GLIS3: variants seen among roughly 807,000 people sequenced by gnomAD.
GLIS3 encodes zinc finger protein GLIS3.
A neutral mutation model predicts 78.6 loss-of-function variants in GLIS3; 53 were observed. That is an observed-to-expected ratio of 0.67 (90% CI 0.54 to 0.85). The LOEUF (loss-of-function observed/expected upper bound fraction) is 0.85, where lower values mean the gene tolerates loss of function less well. GLIS3 is among the 40% of genes least tolerant of loss of function. The pLI, the probability that GLIS3 is intolerant of heterozygous loss-of-function variation, is 0.00. For missense variants in GLIS3, 1,703 were observed against 1,231.1 expected (o/e 1.38, Z -5.74); for synonymous variants, 684 against 509.9 (o/e 1.34, Z -4.60).
chr9:4,033,630 G>A (rs1824045927), intron 4 of GLIS3, among the ~76,000 whole-genome samples: 1 of 152,006 alleles, frequency 6.6e-6, no homozygotes, highest in Admixed American at 6.6e-5. Context: ...AGAATCCTAG[G>A]CTCCACCCTG....
intron 2 of GLIS3, among the ~76,000 whole-genome samples, chr9:4,220,165 G>A (rs1020615937): frequency 2.6e-5 from 4 of 152,210 alleles, no homozygotes; most frequent in African/African-American, 9.6e-5. Flanking sequence ...ATGCAATGAA[G>A]TAACAGTAAA....
intron 4 of GLIS3, among the ~76,000 whole-genome samples, chr9:4,023,555 C>T (rs1334091865): frequency 1.3e-5 from 2 of 152,198 alleles, no homozygotes; most frequent in South Asian, 2.1e-4. Flanking sequence ...AAATCCTTTT[C>T]GTGTTAAGAG....
At chr9:4,372,052 G>C in the GLIS3 span, among the ~76,000 whole-genome samples, 2 of 152,108 alleles carry the variant, frequency 1.3e-5, no homozygotes, top group Non-Finnish European at 2.9e-5. Flanking sequence ...TCTCCTGTGG[G>C]ATCCCTGTTA....
chr9:4,068,277 C>T (rs188042874), intron 4 of GLIS3, among the ~76,000 whole-genome samples: 3 of 151,900 alleles, frequency 2.0e-5, no homozygotes, highest in South Asian at 4.2e-4. Context: ...AAAACTTCAG[C>T]GCAAGAAAGT....
chr9:4,401,464 A>C, the GLIS3 span, among the ~76,000 whole-genome samples: 1 of 151,204 alleles, frequency 6.6e-6, no homozygotes, highest in Non-Finnish European at 1.5e-5. Context: ...GGGTTTCTCC[A>C]TGTTGGTCAG....
At chr9:4,390,600 C>T in the GLIS3 span, among the ~76,000 whole-genome samples, 1 of 152,178 alleles carries the variant, frequency 6.6e-6, no homozygotes, top group Non-Finnish European at 1.5e-5. Flanking sequence ...CCCAGTCTCT[C>T]TGGCCTCATA....
chr9:4,429,234 T>C, the GLIS3 span, among the ~76,000 whole-genome samples: 1 of 152,162 alleles, frequency 6.6e-6, no homozygotes, highest in South Asian at 2.1e-4. Context: ...CTTCTGTGGC[T>C]TTCCCGCTAT....
chr9:4,313,018 G>A (rs774154302), intron 2 of GLIS3, among the ~76,000 whole-genome samples: 15 of 152,196 alleles, frequency 9.9e-5, no homozygotes, highest in Non-Finnish European at 2.2e-4. Flanking sequence ...ACTTTTTCCA[G>A]TCTTGTGGCT....
At chr9:4,139,253 T>A (rs1564105595) in intron 2 of GLIS3, among the ~76,000 whole-genome samples, 2 of 152,232 alleles carry the variant, frequency 1.3e-5, no homozygotes, top group Admixed American at 6.5e-5. Context: ...CAAAGCTGCC[T>A]CTGGGTGAGA....
chr9:4,075,986 T>C (rs1159257192), intron 4 of GLIS3, among the ~76,000 whole-genome samples: 1 of 152,128 alleles, frequency 6.6e-6, no homozygotes, highest in Non-Finnish European at 1.5e-5. Context: ...AAGGAACACC[T>C]CACGAAGAAA....
chr9:4,454,844 G>C, the GLIS3 span, among the ~76,000 whole-genome samples: 1 of 151,944 alleles, frequency 6.6e-6, no homozygotes, highest in East Asian at 1.9e-4. Context: ...CCTGAAGTAG[G>C]GGATCTCACA....
intron 2 of GLIS3, among the ~76,000 whole-genome samples, chr9:4,318,645 G>A (rs988270229): frequency 2.0e-5 from 3 of 152,096 alleles, no homozygotes; most frequent in Non-Finnish European, 2.9e-5. Flanking sequence ...ATATAAATAA[G>A]TAAATAATGG....
Position 4,156,872 on chromosome 9 carries a change from G to A in GLIS3, c.389-30931C>T, listed in dbSNP as rs180749739. ...CTTAGCTTGCAGTGGTTCTCAAAGTGTGGTACCTGGACCAACAGCATCAGC... is the reference window on the plus strand; with the variant it reads ...CTTAGCTTGCAGTGGTTCTCAAAGTATGGTACCTGGACCAACAGCATCAGC... On this transcript the variant is annotated intron_variant, in intron 2 of 10. Coordinates refer to ENST00000381971, the MANE Select transcript of GLIS3 (RefSeq NM_001042413.2). Among the ~76,000 whole-genome samples, 248 of 152,254 alleles carry A rather than the reference G, an allele frequency of 1.6e-3. 1 individual carries two copies. Among genetic ancestry groups the A allele is most frequent in the African/African-American group, 5.6e-3 (231 of 41,540 alleles).
the GLIS3 span, among the ~76,000 whole-genome samples, chr9:4,411,048 C>T: frequency 1.2e-4 from 19 of 152,196 alleles, no homozygotes; most frequent in Non-Finnish European, 1.3e-4. Flanking sequence ...TAAAATTTAA[C>T]GCAAACAAAA....
intron 2 of GLIS3, among the ~76,000 whole-genome samples, chr9:4,197,055 G>A (rs1458661766): frequency 6.6e-6 from 1 of 152,046 alleles, no homozygotes; most frequent in Non-Finnish European, 1.5e-5. Flanking sequence ...TCCATGCCCA[G>A]GCAGATCTCC....
the GLIS3 span, among the ~76,000 whole-genome samples, chr9:4,353,393 G>A: frequency 1.3e-5 from 2 of 152,144 alleles, no homozygotes; most frequent in African/African-American, 4.8e-5. Flanking sequence ...CTATGAGAAG[G>A]AGGTGTGGGA....
chr9:4,324,309 G>A (rs1411039783), intron 2 of GLIS3, among the ~76,000 whole-genome samples: 1 of 152,168 alleles, frequency 6.6e-6, no homozygotes, highest in Non-Finnish European at 1.5e-5. Context: ...TATAGGCAGA[G>A]GATGTGGAGT....
intron 3 of GLIS3, among the ~76,000 whole-genome samples, chr9:4,119,794 G>T (rs1277211134): frequency 2.0e-5 from 3 of 152,094 alleles, no homozygotes; most frequent in Admixed American, 6.5e-5. Context: ...TATCAAAATG[G>T]TTCATAATGT....
At chr9:4,124,428 C>T (rs1307498748) in intron 3 of GLIS3, among the ~76,000 whole-genome samples, 1 of 152,180 alleles carries the variant, frequency 6.6e-6, no homozygotes, top group East Asian at 1.9e-4. Context: ...AATTATACTT[C>T]TGCCTTCAAG....
Sources: gnomAD v4.1 joint callset for allele counts (sites outside exome capture counted in the v4.1 genomes callset) on GRCh38, gnomAD v4.1.1 for gene constraint, MANE v1.5 for transcripts, NCBI Gene and HGNC (gene_info 2026-07-23, HGNC 2026-07-21) for gene names.